Variants in FSTL5 observed in about 807,000 individuals in gnomAD.
FSTL5 encodes the protein follistatin like 5.
In FSTL5, 62 loss-of-function variants were observed where a neutral mutation model predicts 89.1. The observed-to-expected ratio is 0.70, with a 90% CI of 0.57 to 0.86. The LOEUF (loss-of-function observed/expected upper bound fraction) is 0.86. Among genes scored for constraint, FSTL5 ranks in the 40% least tolerant of loss-of-function variants. The probability of loss-of-function intolerance (pLI) is 0.00; values close to 1 mark genes in which losing one functional copy is unlikely to be tolerated. For synonymous variants in FSTL5, 383 were observed against 346.2 expected, an observed-to-expected ratio of 1.11 and a Z score of -1.18; for missense variants, 1,057 against 1,001.6, an observed-to-expected ratio of 1.06 and a Z score of -0.75.
intron 3 of FSTL5, among the ~76,000 whole-genome samples, chr4:161,953,149 T>C (rs1734943046): frequency 6.6e-6 from 1 of 151,718 alleles, no homozygotes; most frequent in Non-Finnish European, 1.5e-5. Flanking sequence ...AAGTAGGTCC[T>C]TCAGAGCATA....
intron 4 of FSTL5, among the ~76,000 whole-genome samples, chr4:161,866,133 G>A (rs1732079507): frequency 6.6e-6 from 1 of 152,076 alleles, no homozygotes; most frequent in Non-Finnish European, 1.5e-5. Flanking sequence ...CCAGAATGAT[G>A]GTTCCCTTTT....
intron 4 of FSTL5, among the ~76,000 whole-genome samples, chr4:161,896,367 T>C (rs1418622606): frequency 6.6e-6 from 1 of 152,240 alleles, no homozygotes; most frequent in Non-Finnish European, 1.5e-5. Flanking sequence ...ATGCTATCCT[T>C]GCTTATCAGG....
chr4:161,984,920 T>C (rs138626296), intron 3 of FSTL5, among the ~76,000 whole-genome samples: 3,227 of 152,192 alleles, frequency 0.021, 63 homozygotes, highest in Non-Finnish European at 0.031. Flanking sequence ...AATATCTTTG[T>C]CTTATGTCTT....
At chr4:162,067,728 G>C (rs557085356) in intron 2 of FSTL5, among the ~76,000 whole-genome samples, 44 of 152,072 alleles carry the variant, frequency 2.9e-4, no homozygotes, top group African/African-American at 1.0e-3. Flanking sequence ...AGAAATAAAG[G>C]GTATTCAAAT....
Position 161,879,572 on chromosome 4 carries a change from T to C in FSTL5, c.409+40832A>G, listed in dbSNP as rs1275632280. Among the ~76,000 whole-genome samples the C allele has an allele frequency of 5.3e-5, 8 of 152,298 alleles. No individual in the cohort carries two copies. In the South Asian group the frequency reaches 1.2e-3, roughly 24 times the overall value. ...GTTCTGGAACATCATCTCCATTCAG[T>C]CTCTCCTTCCTCACTCTTGTCCCAC... On this transcript the variant is annotated intron_variant, in intron 4 of 15. Transcript: ENST00000306100.
rs532086239 is a variant in FSTL5, at chr4:161,584,865, T to C, written c.1015+2590A>G. On this transcript the variant is annotated intron_variant, in intron 8 of 15. Coordinates refer to ENST00000306100, the MANE Select transcript of FSTL5 (RefSeq NM_020116.5). ...GATAGTCAGAGCAATTTAAATGTTA[T>C]GGGACATAATGGAAAGAAACTGGTT... is the stretch of plus-strand genomic sequence containing the variant. 9.8e-5 allele frequency among the ~76,000 whole-genome samples: 15 copies of C among 152,316 alleles called. No homozygotes were observed. In the South Asian group the frequency reaches 2.9e-3, roughly 29 times the overall value.
At chr4:161,689,536 AC>A (rs1304035799) in intron 6 of FSTL5, among the ~76,000 whole-genome samples, 2 of 152,168 alleles carry the variant, frequency 1.3e-5, no homozygotes, top group Non-Finnish European at 2.9e-5. Context: ...TTAATCTCAT[AC>A]ATTCTGTTTT....
intron 3 of FSTL5, among the ~76,000 whole-genome samples, chr4:161,977,422 C>T (rs1735679821): frequency 6.6e-6 from 1 of 151,428 alleles, no homozygotes; most frequent in Non-Finnish European, 1.5e-5. Flanking sequence ...ACCATCCTGC[C>T]TAACACGATG....
At chr4:161,920,054 T>C (rs1733949019) in intron 4 of FSTL5, among the ~76,000 whole-genome samples, 1 of 152,172 alleles carries the variant, frequency 6.6e-6, no homozygotes, top group South Asian at 2.1e-4. Flanking sequence ...CACTCACTAG[T>C]CCCTCAATTC....
chr4:161,455,028 G>T lies in FSTL5; in HGVS notation c.1817C>A (p.Thr606Lys). The change falls in exon 15 of 16, where the codon ACA becomes AAA. Residue 606 changes from threonine to lysine, a missense_variant. Coordinates refer to ENST00000306100, the MANE Select transcript of FSTL5 (RefSeq NM_020116.5). Reference sequence around the variant, plus strand: ...CCTCATATGGGTGATAATGAGTGTTGTGGTGGGAATGAAAAAATCATCCAC... The same window carrying T: ...CCTCATATGGGTGATAATGAGTGTTTTGGTGGGAATGAAAAAATCATCCAC... ...DRVDDFFIPT[T>K]TLIITHMRFG... 2 of 1,613,508 alleles carry T rather than the reference G, an allele frequency of 1.2e-6. No individual in the cohort carries two copies. The highest frequency in any genetic ancestry group is 1.7e-6 in the Non-Finnish European group (2 of 1,179,676).
chr4:161,957,839 C>T (rs1560936666), intron 3 of FSTL5, among the ~76,000 whole-genome samples: 3 of 152,034 alleles, frequency 2.0e-5, no homozygotes, highest in Admixed American at 2.0e-4. Context: ...TGTTGAGATC[C>T]ATATAAAGCT....
intron 4 of FSTL5, among the ~76,000 whole-genome samples, chr4:161,802,004 T>C (rs1014614540): frequency 3.3e-5 from 5 of 151,718 alleles, no homozygotes; most frequent in Admixed American, 3.3e-4. Context: ...TGGATAGAAT[T>C]ATTCAGTCAT....
intron 7 of FSTL5, among the ~76,000 whole-genome samples, chr4:161,647,866 C>T (rs1736204658): frequency 6.6e-6 from 1 of 152,060 alleles, no homozygotes; most frequent in Admixed American, 6.6e-5. Context: ...CATCCTGTGG[C>T]TATAAAAACC....
intron 8 of FSTL5, among the ~76,000 whole-genome samples, chr4:161,586,664 T>C (rs1363527375): frequency 2.0e-5 from 3 of 152,188 alleles, no homozygotes; most frequent in African/African-American, 7.2e-5. Flanking sequence ...ACTAAACACT[T>C]TGACAGCTTC....
At chr4:161,886,268 G>C (rs1411219834) in intron 4 of FSTL5, among the ~76,000 whole-genome samples, 2 of 152,220 alleles carry the variant, frequency 1.3e-5, no homozygotes, top group Admixed American at 6.5e-5. Flanking sequence ...CCTTCTCAAA[G>C]TGTGGACATT....
At chr4:161,853,698 G>C (rs1731632775) in intron 4 of FSTL5, among the ~76,000 whole-genome samples, 1 of 152,152 alleles carries the variant, frequency 6.6e-6, no homozygotes, top group South Asian at 2.1e-4. Context: ...GCATAACCAA[G>C]AGAAAAACGT....
At chr4:162,133,650 G>C (rs1247425542) in intron 1 of FSTL5, among the ~76,000 whole-genome samples, 2 of 152,092 alleles carry the variant, frequency 1.3e-5, no homozygotes, top group African/African-American at 4.8e-5. Flanking sequence ...TCATATGGTA[G>C]ACTCTTGATA....
At chr4:161,783,830 A>C (rs574449104) in intron 4 of FSTL5, among the ~76,000 whole-genome samples, 1 of 147,014 alleles carries the variant, frequency 6.8e-6, no homozygotes, top group Non-Finnish European at 1.5e-5. Context: ...TAGTAGCATG[A>C]TCTTGGCTCA....
chr4:162,021,262 C>T (rs564986896), intron 3 of FSTL5, among the ~76,000 whole-genome samples: 6 of 152,170 alleles, frequency 3.9e-5, no homozygotes, highest in African/African-American at 1.2e-4. Flanking sequence ...AAAGGTTTAA[C>T]TGTATTGCAT....
Sources: gnomAD v4.1 joint callset for allele counts (sites outside exome capture counted in the v4.1 genomes callset) on GRCh38, gnomAD v4.1.1 for gene constraint, MANE v1.5 for transcripts, NCBI Gene and HGNC (gene_info 2026-07-23, HGNC 2026-07-21) for gene names.